The following IQCC variants were observed in gnomAD, a reference collection of about 807,000 sequenced individuals.
IQCC encodes the protein IQ domain-containing protein C.
Under a neutral mutation model 27.0 loss-of-function variants are expected in IQCC, and 23 were observed. The observed-to-expected ratio is 0.85, with a 90% CI of 0.61 to 1.21. IQCC has a LOEUF of 1.21. Ranked by LOEUF, IQCC falls within the 50% of genes most tolerant of loss-of-function variation. IQCC has a pLI of 0.00. For synonymous variants in IQCC, 220 were observed against 217.2 expected, an observed-to-expected ratio of 1.01 and a Z score of -0.11; for missense variants, 552 against 562.3, an observed-to-expected ratio of 0.98 and a Z score of 0.19.
At position 32,207,997 on chromosome 1, in the gene IQCC, C is replaced by T. The variant is rs374159176; in HGVS notation, c.1316C>T (p.Pro439Leu). The change falls in exon 5 of 5, where the codon CCT becomes CTT. Residue 439 changes from proline to leucine, a missense_variant. By Grantham distance (98) the Pro-to-Leu change is moderately conservative. Coordinates refer to ENST00000291358, the MANE Select transcript of IQCC (RefSeq NM_018134.3). Reference protein sequence around the residue: ...QRTIPWRSKSPEILSSTKAGC... With the variant: ...QRTIPWRSKSLEILSSTKAGC... Reference sequence around the variant, plus strand: ...ACTATACCATGGAGATCAAAGTCACCTGAGATTCTGTCTTCTACAAAGGCA... The same window carrying T: ...ACTATACCATGGAGATCAAAGTCACTTGAGATTCTGTCTTCTACAAAGGCA... The T allele has an allele frequency of 2.5e-6, 4 of 1,614,054 alleles. No individual in the cohort carries two copies. The highest frequency in any genetic ancestry group is 3.4e-6 in the Non-Finnish European group (4 of 1,180,010).
chr1:32,208,448 A>C lies in IQCC; in HGVS notation c.*366A>C, dbSNP rs1643450573. 5.3e-6 allele frequency: 1 copy of C among 190,170 alleles called. No homozygotes were observed. The highest frequency in any genetic ancestry group is 2.3e-5 in the African/African-American group (1 of 42,606). The allele number at this position is 190,170 out of a possible 1,614,324, so 11.8% of individuals were successfully genotyped here. ...ATGAAACCCCATCTCAACTAAAAAT[A>C]TAAAAATTAGCCAGGCGTGGTGGTG... is the stretch of plus-strand genomic sequence containing the variant. On this transcript the variant is annotated 3_prime_UTR_variant, in exon 5 of 5. Coordinates refer to ENST00000291358, the MANE Select transcript of IQCC (RefSeq NM_018134.3).
rs1643448015 is a variant in IQCC at position 32,208,376 on chromosome 1, A to G, written c.*294A>G. On this transcript the variant is annotated 3_prime_UTR_variant, in exon 5 of 5. Transcript: ENST00000291358. ...CACTTTGGGAGGCCAAGGTGAGTGG[A>G]TCACCTGAGGTCAGAAGTTTGAGAC... 2 of 302,734 alleles carry G rather than the reference A, an allele frequency of 6.6e-6. No homozygotes were observed. Among genetic ancestry groups the G allele is most frequent in the East Asian group, 6.0e-5 (1 of 16,602 alleles). The allele number at this position is 302,734 out of a possible 1,614,324, so 18.8% of individuals were successfully genotyped here.
Position 32,207,805 on chromosome 1 carries a change from G to A in IQCC, c.1124G>A (p.Gly375Asp), listed in dbSNP as rs1344603415. The change falls in exon 5 of 5, where the codon GGC becomes GAC. Residue 375 changes from glycine (G) to aspartate (D), a missense_variant. By Grantham distance (94) the Gly-to-Asp change is moderately conservative. Coordinates refer to ENST00000291358, the MANE Select transcript of IQCC (RefSeq NM_018134.3). ...CGAACAGTCAGGACACAAGAGTTGG[G>A]CCTCTCAGAGGACCACATCATCTGG... ...DCRTVRTQEL[G>D]LSEDHIIWDG... The A allele has an allele frequency of 7.4e-6, 12 of 1,613,872 alleles. No homozygotes were observed. The African/African-American group carries it at 1.6e-4, about 22-fold the overall frequency.
chr1:32,207,474 C>G lies in IQCC; in HGVS notation c.793C>G (p.Gln265Glu). The G allele has an allele frequency of 1.2e-6, 2 of 1,613,098 alleles. No homozygotes were observed. Among genetic ancestry groups the G allele is most frequent in the Non-Finnish European group, 1.7e-6 (2 of 1,179,698 alleles). The part of the protein sequence containing the change: ...HRSPGSLATT[Q>E]KNIAGAKCRE... ...ATCCCCAGGAAGTTTGGCCACTACA[C>G]AAAAAAACATTGCTGGGGCTAAGTG... Residue 265 changes from glutamine to glutamate, a missense_variant, in exon 5 of 5, where the codon CAA becomes GAA. By Grantham distance (29) the Gln-to-Glu change is conservative. Transcript: ENST00000291358.
Position 32,208,613 on chromosome 1 carries a change from A to G in IQCC, c.*531A>G. On this transcript the variant is annotated 3_prime_UTR_variant, in exon 5 of 5. Transcript: ENST00000291358. Reference sequence around the variant, plus strand: ...AGCGAGACACGGTCTCAAAAAACAAATGTGTGGCTAAGGAGTTACCTGGGG... The same window carrying G: ...AGCGAGACACGGTCTCAAAAAACAAGTGTGTGGCTAAGGAGTTACCTGGGG... 1 of 170,564 alleles carries G rather than the reference A, an allele frequency of 5.9e-6. No individual in the cohort carries two copies. Among genetic ancestry groups the G allele is most frequent in the Admixed American group, 5.5e-5 (1 of 18,022 alleles). The allele number at this position is 170,564 out of a possible 1,614,324, so 10.6% of individuals were successfully genotyped here. A position where few individuals can be genotyped will look rare whatever the true frequency, so the allele number is the denominator to read the frequency against.
chr1:32,206,060 G>C, intron 1 of IQCC, 94 bp from the exon 2 acceptor site: 1 of 1,601,342 alleles, frequency 6.2e-7, no homozygotes, highest in Non-Finnish European at 8.5e-7. Flanking sequence ...GTCCCCTCTT[G>C]CATTCGCCGG....
At position 32,205,691 on chromosome 1, in the gene IQCC, G is replaced by C. The variant is rs756305235; in HGVS notation, c.10G>C (p.Glu4Gln). Residue 4 changes from glutamate (E) to glutamine (Q), a missense_variant, in exon 1 of 5, where the codon GAG (glutamate) becomes CAG (glutamine). By Grantham distance (29) the Glu-to-Gln change is conservative. Transcript: ENST00000291358. This position sits in a 1 kb window ranked among gnomAD's most constrained non-coding sequence, Gnocchi z 5.6. MEP[E>Q]LLVRKVSALQ... The stretch of plus-strand genomic sequence containing the variant: ...CTGGCAGTTGGCGCCCATGGAGCCA[G>C]AGCTGCTGGTTCGGAAGGTGTCTGC... The C allele has an allele frequency of 3.1e-6, 5 of 1,605,930 alleles. No homozygotes were observed. In the African/African-American group the frequency reaches 6.7e-5, roughly 21 times the overall value.
In IQCC at chr1:32,207,227, T is replaced by C; in HGVS notation, c.559-13T>C. ...GGCCTGCTTGGTACAATGTATGTTC[T>C]CTCCCCCAACAGTACCTACTTCTTA... On this transcript the variant is annotated splice_polypyrimidine_tract_variant and intron_variant, in intron 4 of 4. Transcript: ENST00000291358. 6.2e-7 allele frequency: 1 copy of C among 1,613,552 alleles called. No homozygotes were observed. Among genetic ancestry groups the C allele is most frequent in the African/African-American group, 1.3e-5 (1 of 74,946 alleles).
rs914476418 is a variant in IQCC at position 32,206,722 on chromosome 1, C to A, written c.400C>A (p.Gln134Lys). The A allele has an allele frequency of 1.2e-6, 2 of 1,614,190 alleles. No individual in the cohort carries two copies. Among genetic ancestry groups the A allele is most frequent in the African/African-American group, 2.7e-5 (2 of 75,046 alleles). ...GATGAAGCAGAACAGGAAACCCAGC[C>A]AAGAGAAGACCAGAGACACGACAAG... ...LQMKQNRKPS[Q>K]EKTRDTTRME... Residue 134 changes from glutamine (Q) to lysine (K), a missense_variant, in exon 3 of 5, where the codon CAA (glutamine) becomes AAA (lysine). By Grantham distance (53) the Gln-to-Lys change is moderately conservative. Coordinates refer to ENST00000291358, the MANE Select transcript of IQCC (RefSeq NM_018134.3).
rs1054221960 is a variant in IQCC at position 32,205,933 on chromosome 1, G to A, written c.42+210G>A. The A allele has an allele frequency of 7.5e-5, 116 of 1,551,486 alleles. No homozygotes were observed. The highest frequency in any genetic ancestry group is 1.2e-4 in the Admixed American group (6 of 50,998). ...GTCCCCACTCCCACCACACGCTCGC[G>A]CCGGATCAGGGAAACGGGAAGAGCC... On this transcript the variant is annotated intron_variant, in intron 1 of 4. Coordinates refer to ENST00000291358, the MANE Select transcript of IQCC (RefSeq NM_018134.3). The surrounding 1 kb of genome is among the most constrained non-coding windows in gnomAD (Gnocchi z 5.6).
At position 32,206,545 on chromosome 1, in the gene IQCC, AG is replaced by A. The variant is rs1643345477; in HGVS notation, c.226del (p.Val76Ter). 1 of 1,614,094 alleles carries A rather than the reference AG, an allele frequency of 6.2e-7. No individual in the cohort carries two copies. Among genetic ancestry groups the A allele is most frequent in the African/African-American group, 1.3e-5 (1 of 74,954 alleles). On this transcript the variant is annotated frameshift_variant, in exon 3 of 5. Transcript: ENST00000291358. LOFTEE classifies it high-confidence loss of function. Reference protein sequence around the residue: ...KSHQTWKAGDRVANPEQGLWN... With the variant: ...KSHQTWKAGDXVANPEQGLWN... ...CCATCAGACCTGGAAAGCAGGAGAC[AG>A]GGTAGCAAATCCAGAGCAGGGGCTG...
In IQCC at chr1:32,207,258, ACACTGAGATCCCCAGAGG is replaced by A. The variant is rs1643384126; in HGVS notation, c.579_596del (p.Leu194_Ala199del). ...CCAACAGTACCTACTTCTTAAACAA[ACACTGAGATCCCCAGAGG>A]CGGGCCCGATCAGAGAGGAACCCCG... On this transcript the variant is annotated inframe_deletion, in exon 5 of 5. Coordinates refer to ENST00000291358, the MANE Select transcript of IQCC (RefSeq NM_018134.3). 6.2e-7 allele frequency: 1 copy of A among 1,613,950 alleles called. No homozygotes were observed.
intron 2 of IQCC, 42 bp from the exon 3 acceptor site, chr1:32,206,467 A>G: frequency 6.2e-7 from 1 of 1,611,010 alleles, no homozygotes; most frequent in Non-Finnish European, 8.5e-7. Context: ...GATACTTGGA[A>G]GGGTTTAGCC....
rs1349416150 is a variant in IQCC, at chr1:32,206,204, T to C, written c.93T>C (p.Ala31=). 1 of 1,614,110 alleles carries C rather than the reference T, an allele frequency of 6.2e-7. No homozygotes were observed. Among genetic ancestry groups the C allele is most frequent in the Middle Eastern group, 1.6e-4 (1 of 6,062 alleles). Residue 31 remains alanine, a synonymous_variant, in exon 2 of 5, where the codon GCT becomes GCC. Transcript: ENST00000291358. The part of the protein sequence containing the change: ...LVRRQFQSLR[A]EYEAIVREVE... ...GACGCCAGTTCCAGAGCCTGCGAGC[T>C]GAGTATGAGGCGATTGTACGAGAGG...
At chr1:32,206,843 T>C in intron 3 of IQCC, 82 bp downstream of exon 3, 18 of 1,529,364 alleles carry the variant, frequency 1.2e-5, no homozygotes, top group Non-Finnish European at 1.2e-5. Context: ...AGGCTTGCGC[T>C]AGATAAGCTG....
Position 32,205,902 on chromosome 1 carries a change from C to T in IQCC, c.42+179C>T. 1.3e-6 allele frequency: 2 copies of T among 1,551,490 alleles called. No individual in the cohort carries two copies. The highest frequency in any genetic ancestry group is 1.7e-6 in the Non-Finnish European group (2 of 1,147,208). ...AGCTGGGACCCACGGACTCCCTGCC[C>T]TGCGCGTCCCCACTCCCACCACACG... On this transcript the variant is annotated intron_variant, in intron 1 of 4. Coordinates refer to ENST00000291358, the MANE Select transcript of IQCC (RefSeq NM_018134.3). The surrounding 1 kb of genome is among the most constrained non-coding windows in gnomAD (Gnocchi z 5.6).
At position 32,207,839 on chromosome 1, in the gene IQCC, CT is replaced by C. The variant is rs760541130; in HGVS notation, c.1160del (p.Leu387TrpfsTer83). ...AGGACCACATCATCTGGGATGGTAC[CT>C]TGGGGGGGCCAGAGCATAGTGTCCT... ...SEDHIIWDGT[L>X]GGPEHSVLDL... On this transcript the variant is annotated frameshift_variant, in exon 5 of 5. Coordinates refer to ENST00000291358, the MANE Select transcript of IQCC (RefSeq NM_018134.3). LOFTEE classifies it low-confidence loss of function (END_TRUNC). 9.3e-6 allele frequency: 15 copies of C among 1,613,984 alleles called. No homozygotes were observed. The African/African-American group carries it at 2.0e-4, about 22-fold the overall frequency.
Position 32,207,061 on chromosome 1 carries a change from C to T in IQCC, c.499C>T (p.Arg167Cys), listed in dbSNP as rs748442077. 1.6e-5 allele frequency: 26 copies of T among 1,613,576 alleles called. No homozygotes were observed. Among genetic ancestry groups the T allele is most frequent in the East Asian group, 2.2e-5 (1 of 44,888 alleles). ...QPQLQELQYH[R>C]SHLAMELLWL... is the part of the protein sequence containing the mutation. The stretch of plus-strand genomic sequence containing the variant: ...TCAGCTTCAAGAGCTTCAGTACCAC[C>T]GCAGCCACTTGGCCATGGAATTGCT... The change falls in exon 4 of 5, where the codon CGC becomes TGC. Residue 167 changes from arginine to cysteine, a missense_variant. Physicochemically the swap from Arg to Cys is radical, Grantham distance 180 (BLOSUM62 -3). Transcript: ENST00000291358.
In IQCC at chr1:32,205,960, T is replaced by TAAGGCGAGGAGGGGCATCC; in HGVS notation, c.43-192_43-174dup. 1 of 1,553,674 alleles carries TAAGGCGAGGAGGGGCATCC rather than the reference T, an allele frequency of 6.4e-7. No homozygotes were observed. ...CGGATCAGGGAAACGGGAAGAGCCT[T>TAAGGCGAGGAGGGGCATCC]AAGGCGAGGAGGGGCATCCAGTCTG... On this transcript the variant is annotated intron_variant, in intron 1 of 4. Coordinates refer to ENST00000291358, the MANE Select transcript of IQCC (RefSeq NM_018134.3). The surrounding 1 kb of genome is among the most constrained non-coding windows in gnomAD (Gnocchi z 5.6).
Sources: gnomAD v4.1 joint callset for allele counts on GRCh38, gnomAD v4.1.1 for gene constraint, Gnocchi (gnomAD v3.1) non-coding constraint, MANE v1.5 for transcripts, NCBI Gene and HGNC (gene_info 2026-07-23, HGNC 2026-07-21) for gene names.